Variants in DPF3 observed in about 807,000 individuals in gnomAD.
The protein encoded by DPF3 is zinc finger protein DPF3.
In DPF3, 18 loss-of-function variants were observed where a neutral mutation model predicts 56.8. The ratio of observed to expected loss-of-function variants is 0.32; its 90% confidence interval spans 0.22 to 0.47. The LOEUF is 0.47. Among genes scored for constraint, DPF3 ranks in the 20% least tolerant of loss-of-function variants. The probability of loss-of-function intolerance (pLI) is 1.00; values close to 1 mark genes in which losing one functional copy is unlikely to be tolerated. For synonymous variants in DPF3, 188 were observed against 180.2 expected (o/e 1.04, Z -0.35); for missense variants, 403 against 488.8 (o/e 0.82, Z 1.65).
chr14:72,760,160 T>C (rs1182172936), intron 2 of DPF3, among the ~76,000 whole-genome samples: 2 of 152,168 alleles, frequency 1.3e-5, no homozygotes, highest in Non-Finnish European at 2.9e-5. Flanking sequence ...CATTAAAAGA[T>C]GATCAACTAT....
intron 8 of DPF3, among the ~76,000 whole-genome samples, chr14:72,638,562 C>T (rs963383021): frequency 6.6e-6 from 1 of 152,182 alleles, no homozygotes; most frequent in African/African-American, 2.4e-5. Context: ...CACTTGATTG[C>T]CCATGATCCT....
At chr14:72,823,590 C>G (rs1363487305) in intron 1 of DPF3, among the ~76,000 whole-genome samples, 1 of 152,154 alleles carries the variant, frequency 6.6e-6, no homozygotes, top group Non-Finnish European at 1.5e-5. Context: ...TCAGGGGAAT[C>G]TTCCATTTCC....
At chr14:72,823,779 A>G (rs1013343926) in intron 1 of DPF3, among the ~76,000 whole-genome samples, 1 of 152,212 alleles carries the variant, frequency 6.6e-6, no homozygotes, top group Non-Finnish European at 1.5e-5. Flanking sequence ...CTTGTTTGCA[A>G]TAAAACAGAG....
intron 7 of DPF3, among the ~76,000 whole-genome samples, chr14:72,682,657 A>G (rs1887210967): frequency 6.6e-6 from 1 of 152,208 alleles, no homozygotes. Flanking sequence ...TTCAGACAGA[A>G]AGCCGTATTT....
At chr14:72,670,623 C>A (rs1024780700) in intron 8 of DPF3, 5 of 987,496 alleles carry the variant, frequency 5.1e-6, no homozygotes, top group Non-Finnish European at 6.0e-6. Flanking sequence ...GCTTCGATTT[C>A]TTTGATTTCC....
intron 2 of DPF3, among the ~76,000 whole-genome samples, chr14:72,755,320 G>T (rs1890748012): frequency 6.6e-6 from 1 of 152,144 alleles, no homozygotes; most frequent in African/African-American, 2.4e-5. Context: ...TACCAGAGAA[G>T]CCCCAGGCCA....
chr14:72,635,983 TTTA>T (rs1158729443), intron 8 of DPF3, among the ~76,000 whole-genome samples: 1 of 152,248 alleles, frequency 6.6e-6, no homozygotes, highest in Non-Finnish European at 1.5e-5. Context: ...CTAATTATAC[TTTA>T]TTACCTTATT....
At chr14:72,729,144 A>T (rs1443972500) in intron 4 of DPF3, among the ~76,000 whole-genome samples, 2 of 152,208 alleles carry the variant, frequency 1.3e-5, no homozygotes. Context: ...GCTACTCAGG[A>T]GGCTGAGACA....
At chr14:72,813,823 C>G (rs1883167927) in intron 1 of DPF3, among the ~76,000 whole-genome samples, 1 of 152,180 alleles carries the variant, frequency 6.6e-6, no homozygotes, top group African/African-American at 2.4e-5. Context: ...GGCTCGAGCA[C>G]AGAGATGAGG....
intron 8 of DPF3, among the ~76,000 whole-genome samples, chr14:72,650,868 C>T (rs1246163880): frequency 6.6e-6 from 1 of 152,188 alleles, no homozygotes; most frequent in Admixed American, 6.5e-5. Flanking sequence ...CACCCGGGAA[C>T]ACTGCCTGAA....
At chr14:72,727,766 C>G (rs1219283096) in intron 4 of DPF3, among the ~76,000 whole-genome samples, 1 of 152,118 alleles carries the variant, frequency 6.6e-6, no homozygotes, top group Non-Finnish European at 1.5e-5. Context: ...GTCCCTAGCA[C>G]CCAGCACAGT....
intron 1 of DPF3, among the ~76,000 whole-genome samples, chr14:72,805,103 G>A (rs1048424387): frequency 1.1e-3 from 71 of 62,312 alleles, no homozygotes; most frequent in Non-Finnish European, 1.3e-3. Context: ...TAAATACAAG[G>A]TGCAGCCCCA....
chr14:72,823,729 G>T (rs1452544329), intron 1 of DPF3, among the ~76,000 whole-genome samples: 1 of 152,232 alleles, frequency 6.6e-6, no homozygotes, highest in Admixed American at 6.5e-5. Flanking sequence ...GGAGGTGTAT[G>T]AGTGTTTTAA....
chr14:72,701,300 G>C (rs1343097164), intron 6 of DPF3, among the ~76,000 whole-genome samples: 1 of 152,178 alleles, frequency 6.6e-6, no homozygotes, highest in Non-Finnish European at 1.5e-5. Flanking sequence ...TTCCTGGCAT[G>C]GTGCACATGG....
intron 2 of DPF3, among the ~76,000 whole-genome samples, chr14:72,770,208 A>G (rs977602144): frequency 1.3e-5 from 2 of 152,190 alleles, no homozygotes; most frequent in Non-Finnish European, 2.9e-5. Context: ...ACCTGAATAA[A>G]TCTCTAGACC....
intron 3 of DPF3, among the ~76,000 whole-genome samples, chr14:72,744,626 A>G (rs1206095916): frequency 1.3e-5 from 2 of 151,574 alleles, no homozygotes; most frequent in African/African-American, 4.9e-5. Context: ...TTGAACGTGC[A>G]CCCCCCACTC....
At chr14:72,738,607 C>T (rs574434188) in intron 3 of DPF3, among the ~76,000 whole-genome samples, 30 of 152,170 alleles carry the variant, frequency 2.0e-4, no homozygotes, top group African/African-American at 6.0e-4. Context: ...GGACAGAGTG[C>T]GGGCAGCATT....
intron 1 of DPF3, among the ~76,000 whole-genome samples, chr14:72,877,000 T>C (rs1027079298): frequency 2.0e-5 from 3 of 152,222 alleles, no homozygotes; most frequent in Non-Finnish European, 4.4e-5. Flanking sequence ...AGAATACTCT[T>C]TCCTTCCTTT....
In DPF3 at chr14:72,613,403, C is replaced by T. The variant is rs1375287896; in HGVS notation, c.*5894G>A. ...AAGAGGGTTCTGGCTGCCTGCCAGTCCTGGTTCCTGCCTTCCTCTGGCCTG... is the reference window on the plus strand; with the variant it reads ...AAGAGGGTTCTGGCTGCCTGCCAGTTCTGGTTCCTGCCTTCCTCTGGCCTG... On this transcript the variant is annotated 3_prime_UTR_variant, in exon 11 of 11. Transcript: ENST00000556509. 6.6e-6 allele frequency among the ~76,000 whole-genome samples: 1 copy of T among 152,220 alleles called. No individual in the cohort carries two copies. Among genetic ancestry groups the T allele is most frequent in the Admixed American group, 6.5e-5 (1 of 15,290 alleles).
Sources: allele counts gnomAD v4.1 joint callset (sites outside exome capture counted in the v4.1 genomes callset), GRCh38; gene constraint gnomAD v4.1.1; transcripts MANE v1.5; gene names NCBI Gene and HGNC (gene_info 2026-07-23, HGNC 2026-07-21).